Variants in PRMT2 observed in about 807,000 individuals in gnomAD.
PRMT2 encodes protein arginine N-methyltransferase 2.
Under a neutral mutation model 57.6 loss-of-function variants are expected in PRMT2, and 26 were observed. The observed-to-expected ratio is 0.45, with a 90% CI of 0.33 to 0.63. The LOEUF (loss-of-function observed/expected upper bound fraction) is 0.63. Among genes scored for constraint, PRMT2 ranks in the 20% least tolerant of loss-of-function variants. PRMT2 has a pLI of 0.02. For synonymous variants in PRMT2, 219 were observed against 220.0 expected, an observed-to-expected ratio of 1.00 and a Z score of 0.04; for missense variants, 472 against 564.4, an observed-to-expected ratio of 0.84 and a Z score of 1.66.
chr21:46,653,933 C>CTT, intron 7 of PRMT2: 2 of 1,001,816 alleles, frequency 2.0e-6, no homozygotes, highest in Non-Finnish European at 2.4e-6. Flanking sequence ...TTTTTCTTTT[C>CTT]TTGTTTTTTT....
intron 10 of PRMT2, among the ~76,000 whole-genome samples, chr21:46,662,838 C>T (rs1008453135): frequency 2.6e-5 from 4 of 152,170 alleles, no homozygotes; most frequent in South Asian, 4.1e-4. Flanking sequence ...TGACAGTTGT[C>T]CTCACCTTGT....
chr21:46,648,888 C>T lies in PRMT2; in HGVS notation c.489+269C>T, dbSNP rs557171074. Among the ~76,000 whole-genome samples, 135 of 152,258 alleles carry T rather than the reference C, an allele frequency of 8.9e-4. 4 individuals are homozygous for T. Among genetic ancestry groups the T allele is most frequent in the Admixed American group, 1.3e-3 (20 of 15,304 alleles). On this transcript the variant is annotated intron_variant, in intron 6 of 11. Coordinates refer to ENST00000355680, the MANE Select transcript of PRMT2 (RefSeq NM_206962.4). This position sits in a 1 kb window ranked among gnomAD's most constrained non-coding sequence, Gnocchi z 4.8. Reference sequence around the variant, plus strand: ...AGAATAGACAATATCCCGTGAATTGCGTGGGGCGGGGTATGTTCTGTGAGA... The same window carrying T: ...AGAATAGACAATATCCCGTGAATTGTGTGGGGCGGGGTATGTTCTGTGAGA...
intron 3 of PRMT2, among the ~76,000 whole-genome samples, chr21:46,638,788 C>A (rs1569148047): frequency 6.6e-6 from 1 of 152,090 alleles, no homozygotes; most frequent in East Asian, 1.9e-4. Flanking sequence ...TGTTTTATCT[C>A]TTTTTTTCAC....
At chr21:46,651,363 T>C (rs1278667183) in intron 7 of PRMT2, among the ~76,000 whole-genome samples, 1 of 150,282 alleles carries the variant, frequency 6.7e-6, no homozygotes, top group Non-Finnish European at 1.5e-5. Flanking sequence ...CTGGGGAGGG[T>C]GGACATCTGT....
intron 7 of PRMT2, chr21:46,654,751 T>C (rs9979286): frequency 0.21 from 40,129 of 192,840 alleles, 4,350 homozygotes; most frequent in East Asian, 0.32. Flanking sequence ...TGTCGGAGGA[T>C]GTGTGTAGCC....
At chr21:46,638,679 A>G (rs933862709) in intron 3 of PRMT2, among the ~76,000 whole-genome samples, 9 of 152,108 alleles carry the variant, frequency 5.9e-5, no homozygotes, top group Non-Finnish European at 7.4e-5. Context: ...TGTTATTTCA[A>G]TTTTGCTGAC....
rs897697578 is a variant in PRMT2 at position 46,658,935 on chromosome 21, C to T, written c.830+15C>T. On this transcript the variant is annotated intron_variant, in intron 8 of 11. Coordinates refer to ENST00000355680, the MANE Select transcript of PRMT2 (RefSeq NM_206962.4). ...AGCGCTCTGAAGTAAGTGTCCACAG[C>T]TGGGACTGGCACCGTCTTGTGGGGC... 6.2e-6 allele frequency: 10 copies of T among 1,606,436 alleles called. No homozygotes were observed. The highest frequency in any genetic ancestry group is 8.5e-6 in the Non-Finnish European group (10 of 1,174,468).
intron 9 of PRMT2, 23 bp from the exon 10 acceptor site, chr21:46,661,777 G>A: frequency 3.7e-6 from 5 of 1,349,530 alleles, no homozygotes; most frequent in Non-Finnish European, 4.8e-6. Context: ...GCCCACGCGT[G>A]CCTTGTCATC....
At chr21:46,655,867 T>A (rs926888960) in intron 7 of PRMT2, among the ~76,000 whole-genome samples, 1 of 152,212 alleles carries the variant, frequency 6.6e-6, no homozygotes, top group Admixed American at 6.5e-5. Flanking sequence ...ATGTTCTTTT[T>A]AAATTGATCT....
At chr21:46,636,871 T>C in intron 2 of PRMT2, 25 bp from the exon 3 acceptor site, 1 of 1,413,852 alleles carries the variant, frequency 7.1e-7, no homozygotes, top group Non-Finnish European at 9.8e-7. Context: ...AAGTACTTTG[T>C]GTCTCCTTCT....
At chr21:46,664,216 T>A (rs1193871535) in intron 11 of PRMT2, 79 bp from the exon 12 acceptor site, 1 of 1,282,156 alleles carries the variant, frequency 7.8e-7, no homozygotes, top group African/African-American at 1.5e-5. Flanking sequence ...TCTTGTCCAA[T>A]ATTAAACCAT....
chr21:46,657,106 A>G (rs1237746286), intron 7 of PRMT2: 1 of 152,220 alleles, frequency 6.6e-6, no homozygotes, highest in African/African-American at 2.4e-5. Flanking sequence ...ACAGTGAGAT[A>G]TCACTTACAC....
At chr21:46,647,348 G>A (rs114858644) in intron 5 of PRMT2, among the ~76,000 whole-genome samples, 5,063 of 152,018 alleles carry the variant, frequency 0.033, 259 homozygotes, top group African/African-American at 0.12. Context: ...TTTTTCCCAC[G>A]TACAACTTTT....
In PRMT2 at chr21:46,648,665, G is replaced by T; in HGVS notation, c.489+46G>T. 1.3e-6 allele frequency: 2 copies of T among 1,599,258 alleles called. No homozygotes were observed. On this transcript the variant is annotated intron_variant, in intron 6 of 11. Coordinates refer to ENST00000355680, the MANE Select transcript of PRMT2 (RefSeq NM_206962.4). This position sits in a 1 kb window ranked among gnomAD's most constrained non-coding sequence, Gnocchi z 4.8. ...ATCCCGGGTGTTTGTGCCGAGGCTGGTGACGTCCGAGGTGGCCTCTGAGTG... is the reference window on the plus strand; with the variant it reads ...ATCCCGGGTGTTTGTGCCGAGGCTGTTGACGTCCGAGGTGGCCTCTGAGTG...
At position 46,649,854 on chromosome 21, in the gene PRMT2, C is replaced by T. The variant is rs1475932095; in HGVS notation, c.654+115C>T. On this transcript the variant is annotated intron_variant, in intron 7 of 11. Transcript: ENST00000355680. The surrounding 1 kb of genome is among the most constrained non-coding windows in gnomAD (Gnocchi z 4.8). Reference sequence around the variant, plus strand: ...CGTGCGTGATTCATTTTGATGTTTTCCCTAATGTGAGGTCTAATTAATTTC... The same window carrying T: ...CGTGCGTGATTCATTTTGATGTTTTTCCTAATGTGAGGTCTAATTAATTTC... 6.6e-7 allele frequency: 1 copy of T among 1,519,636 alleles called. No homozygotes were observed. The highest frequency in any genetic ancestry group is 2.5e-5 in the East Asian group (1 of 40,306). The allele number at this position is 1,519,636 out of a possible 1,614,324, so 94.1% of individuals were successfully genotyped here. A position where few individuals can be genotyped will look rare whatever the true frequency, so the allele number is the denominator to read the frequency against.
At chr21:46,645,212 A>G (rs1249024583) in intron 5 of PRMT2, among the ~76,000 whole-genome samples, 1 of 152,296 alleles carries the variant, frequency 6.6e-6, no homozygotes, top group Admixed American at 6.5e-5. Context: ...GGCTGCAGTG[A>G]GCCATGATGG....
chr21:46,652,867 C>T, intron 7 of PRMT2: 4 of 1,301,354 alleles, frequency 3.1e-6, no homozygotes, highest in Non-Finnish European at 4.0e-6. Flanking sequence ...CTTGCTTGTT[C>T]TCCTGAGGCC....
At chr21:46,651,865 C>G (rs746730955) in intron 7 of PRMT2, 2 of 1,612,732 alleles carry the variant, frequency 1.2e-6, no homozygotes, top group Non-Finnish European at 1.7e-6. Flanking sequence ...GCCCTCTTCA[C>G]GTCCTCCTGG....
Position 46,644,301 on chromosome 21 carries a change from TCCAG to T in PRMT2, c.145-3_145del. Reference sequence around the variant, plus strand: ...CTTATTGAATTTTAACTTTTTTTTTTCCAGCTCAGTTTTTTGAGAGGAGAAAAAA... The same window carrying T: ...CTTATTGAATTTTAACTTTTTTTTTTCTCAGTTTTTTGAGAGGAGAAAAAA... On this transcript the variant is annotated splice_acceptor_variant and splice_polypyrimidine_tract_variant and intron_variant, in intron 4 of 11. Transcript: ENST00000355680. LOFTEE classifies it high-confidence loss of function. 6.2e-7 allele frequency: 1 copy of T among 1,601,008 alleles called. No homozygotes were observed. Among genetic ancestry groups the T allele is most frequent in the Non-Finnish European group, 8.5e-7 (1 of 1,176,472 alleles).
Sources: allele counts gnomAD v4.1 joint callset (sites outside exome capture counted in the v4.1 genomes callset), GRCh38; gene constraint gnomAD v4.1.1; non-coding constraint Gnocchi (gnomAD v3.1); transcripts MANE v1.5; gene names NCBI Gene and HGNC (gene_info 2026-07-23, HGNC 2026-07-21).